The following TMBIM4 variants were observed in gnomAD, a reference collection of about 807,000 sequenced individuals.
TMBIM4 encodes the protein transmembrane BAX inhibitor motif containing 4.
TMBIM4 carries 28 observed loss-of-function variants against 27.7 expected under a neutral mutation model. The observed-to-expected ratio is 1.01, with a 90% CI of 0.75 to 1.38. The LOEUF (loss-of-function observed/expected upper bound fraction) is 1.38, where lower values mean the gene tolerates loss of function less well. Among genes scored for constraint, TMBIM4 ranks in the 40% most tolerant of loss-of-function variants. TMBIM4 has a pLI of 0.00. For missense variants in TMBIM4, 265 were observed against 277.5 expected (o/e 0.95, Z 0.32); for synonymous variants, 115 against 113.1 (o/e 1.02, Z -0.11).
At chr12:66,155,335 T>TGAGAGAGAGAGAGAGAGA (rs71697123) in intron 1 of TMBIM4, among the ~76,000 whole-genome samples, 4,680 of 131,572 alleles carry the variant, frequency 0.036, 183 homozygotes, top group Non-Finnish European at 0.049. Context: ...TGCACACGTG[T>TGAGAGAGAGAGAGAGAGA]GAGAGAGAGA....
At chr12:66,158,745 G>A (rs938182273) in intron 1 of TMBIM4, among the ~76,000 whole-genome samples, 6 of 152,174 alleles carry the variant, frequency 3.9e-5, no homozygotes, top group Admixed American at 6.5e-5. Flanking sequence ...ACTTTTGGGT[G>A]TGGCTTTTAT....
chr12:66,142,322 C>T (rs1436896530), intron 5 of TMBIM4, among the ~76,000 whole-genome samples: 1 of 151,000 alleles, frequency 6.6e-6, no homozygotes, highest in Non-Finnish European at 1.5e-5. Context: ...CTTTTTCATT[C>T]TTAAAGCCTA....
chr12:66,162,072 A>T (rs2052049633), intron 1 of TMBIM4, among the ~76,000 whole-genome samples: 1 of 130,086 alleles, frequency 7.7e-6, no homozygotes, highest in Admixed American at 7.2e-5. Context: ...ATTCCCCAAC[A>T]TCACTAAAAA....
intron 3 of TMBIM4, among the ~76,000 whole-genome samples, chr12:66,150,162 G>A (rs2136862172): frequency 6.6e-6 from 1 of 152,246 alleles, no homozygotes; most frequent in Middle Eastern, 3.4e-3. Context: ...TTCCCACACA[G>A]AAATCAGTCT....
intron 1 of TMBIM4, among the ~76,000 whole-genome samples, chr12:66,162,572 A>T (rs2052060738): frequency 6.6e-6 from 1 of 152,230 alleles, no homozygotes; most frequent in Admixed American, 6.5e-5. Context: ...GGTTTTACCT[A>T]GCAGCTGCTG....
At chr12:66,149,416 G>A (rs2051805321) in intron 3 of TMBIM4, among the ~76,000 whole-genome samples, 2 of 141,196 alleles carry the variant, frequency 1.4e-5, no homozygotes, top group African/African-American at 5.2e-5. Context: ...CTGCACTCCA[G>A]CCTGGGTGAC....
chr12:66,138,935 T>C (rs983309440), intron 5 of TMBIM4, 166 bp from the exon 6 acceptor site: 2 of 1,040,944 alleles, frequency 1.9e-6, no homozygotes, highest in African/African-American at 1.7e-5. Context: ...CCATCTTGGA[T>C]CTTTTTTTTA....
chr12:66,145,896 C>T lies in TMBIM4; in HGVS notation c.409G>A (p.Gly137Ser). 6.2e-7 allele frequency: 1 copy of T among 1,607,870 alleles called. No homozygotes were observed. The highest frequency in any genetic ancestry group is 8.5e-7 in the Non-Finnish European group (1 of 1,175,868). ...AFILTTTVFF[G>S]LTVYTLQSKK... ...GATTGTAGAGTATACACAGTCAAAC[C>T]AAAAAATACTGTAGTAGTCAGTATG... The change falls in exon 5 of 7, where the codon GGT becomes AGT. Residue 137 changes from glycine to serine, a missense_variant. Physicochemically the swap from Gly to Ser is moderately conservative, Grantham distance 56 (BLOSUM62 0). Coordinates refer to ENST00000358230, the MANE Select transcript of TMBIM4 (RefSeq NM_016056.4).
chr12:66,160,803 C>T (rs1361751438), intron 1 of TMBIM4, among the ~76,000 whole-genome samples: 8 of 150,158 alleles, frequency 5.3e-5, no homozygotes, highest in South Asian at 4.2e-4. Flanking sequence ...GGGCGGCGGC[C>T]GGGCAGAGGT....
chr12:66,141,047 T>G (rs1278896047), intron 5 of TMBIM4, among the ~76,000 whole-genome samples: 1 of 151,676 alleles, frequency 6.6e-6, no homozygotes, highest in African/African-American at 2.4e-5. Flanking sequence ...AAAATAACTT[T>G]CAAAAATAAA....
chr12:66,151,761 A>G (rs898137716), intron 3 of TMBIM4, among the ~76,000 whole-genome samples: 2 of 152,224 alleles, frequency 1.3e-5, no homozygotes, highest in South Asian at 2.1e-4. Context: ...TCTCCCAACT[A>G]TAATTTTGAA....
At chr12:66,157,933 G>A (rs1565787092) in intron 1 of TMBIM4, among the ~76,000 whole-genome samples, 1 of 152,154 alleles carries the variant, frequency 6.6e-6, no homozygotes, top group Non-Finnish European at 1.5e-5. Context: ...AGGAAGAAAT[G>A]TCAAAAAGAT....
At chr12:66,143,433 A>G (rs1204976992) in intron 5 of TMBIM4, among the ~76,000 whole-genome samples, 1 of 152,184 alleles carries the variant, frequency 6.6e-6, no homozygotes, top group Non-Finnish European at 1.5e-5. Context: ...CCTGATTTGT[A>G]GTGCTTCTTA....
At chr12:66,158,275 A>AAAAAAATACAT (rs1477534017) in intron 1 of TMBIM4, among the ~76,000 whole-genome samples, 1 of 151,802 alleles carries the variant, frequency 6.6e-6, no homozygotes, top group African/African-American at 2.4e-5. Context: ...TCAGGTAATC[A>AAAAAAATACAT]AAAAAATACA....
chr12:66,160,959 G>T (rs971431045), intron 1 of TMBIM4: 2 of 138,750 alleles, frequency 1.4e-5, no homozygotes, highest in African/African-American at 5.0e-5. Context: ...CGCAGACAGG[G>T]TGGCGGCCGG....
At chr12:66,164,494 C>T (rs1357827313) in intron 1 of TMBIM4, among the ~76,000 whole-genome samples, 1 of 152,150 alleles carries the variant, frequency 6.6e-6, no homozygotes, top group East Asian at 1.9e-4. Flanking sequence ...TGCTCTTATA[C>T]AAGGAACCAC....
intron 1 of TMBIM4, among the ~76,000 whole-genome samples, chr12:66,161,891 C>G (rs763293456): frequency 6.6e-6 from 1 of 152,092 alleles, no homozygotes. Flanking sequence ...ATTGCTTGAC[C>G]CTTAAAACCA....
chr12:66,162,678 GTTCT>G (rs2052062628), intron 1 of TMBIM4, among the ~76,000 whole-genome samples: 1 of 152,136 alleles, frequency 6.6e-6, no homozygotes, highest in Non-Finnish European at 1.5e-5. Context: ...ACATAACATT[GTTCT>G]TTCTAATAAA....
At chr12:66,153,731 C>T (rs1337715340) in intron 1 of TMBIM4, among the ~76,000 whole-genome samples, 1 of 152,004 alleles carries the variant, frequency 6.6e-6, no homozygotes, top group Non-Finnish European at 1.5e-5. Flanking sequence ...TATTAAATGC[C>T]TAGTTGTACA....
Sources: allele counts gnomAD v4.1 joint callset (sites outside exome capture counted in the v4.1 genomes callset), GRCh38; gene constraint gnomAD v4.1.1; transcripts MANE v1.5; gene names NCBI Gene and HGNC (gene_info 2026-07-23, HGNC 2026-07-21).